MAN1A1: variants seen among roughly 807,000 people sequenced by gnomAD.
The protein encoded by MAN1A1 is mannosyl-oligosaccharide 1,2-alpha-mannosidase IA.
Under a neutral mutation model 70.8 loss-of-function variants are expected in MAN1A1, and 29 were observed. That is an observed-to-expected ratio of 0.41 (90% CI 0.31 to 0.56). MAN1A1 has a LOEUF of 0.56. Among genes scored for constraint, MAN1A1 ranks in the 20% least tolerant of loss-of-function variants. MAN1A1 has a pLI of 0.29. For synonymous variants in MAN1A1, 349 were observed against 330.1 expected, an observed-to-expected ratio of 1.06 and a Z score of -0.62; for missense variants, 747 against 841.3, an observed-to-expected ratio of 0.89 and a Z score of 1.39.
intron 2 of MAN1A1, among the ~76,000 whole-genome samples, chr6:119,335,366 T>G (rs1311123461): frequency 6.6e-6 from 1 of 152,280 alleles, no homozygotes. Context: ...ACAACAACTC[T>G]GAAAAAGAGG....
chr6:119,201,306 T>G lies in MAN1A1; in HGVS notation c.1158A>C (p.Pro386=). The G allele has an allele frequency of 1.9e-6, 3 of 1,613,740 alleles. No homozygotes were observed. Among genetic ancestry groups the G allele is most frequent in the African/African-American group, 1.3e-5 (1 of 75,032 alleles). The stretch of plus-strand genomic sequence containing the variant: ...TCAGATAGTTAGGATAAAGGCCTTG[T>G]GGTTTTTCCAGTTTGTTCAGTACTG... ...IRTVLNKLEK[P]QGLYPNYLNP... The change falls in exon 8 of 13, where the codon CCA becomes CCC. Residue 386 remains proline (P), a synonymous_variant. Transcript: ENST00000368468.
At chr6:119,211,533 A>C (rs1291242886) in intron 6 of MAN1A1, among the ~76,000 whole-genome samples, 1 of 152,224 alleles carries the variant, frequency 6.6e-6, no homozygotes, top group African/African-American at 2.4e-5. Flanking sequence ...CTCCCACCCT[A>C]AACTTACATC....
intron 6 of MAN1A1, among the ~76,000 whole-genome samples, chr6:119,242,072 G>C (rs997999199): frequency 6.6e-6 from 1 of 151,760 alleles, no homozygotes; most frequent in South Asian, 2.1e-4. Context: ...CAGACCCTTA[G>C]CAGAACAGTC....
rs9489687 is a variant in MAN1A1 at position 119,329,618 on chromosome 6, G to A, written c.603+18845C>T. ...AAATATGGCAGAGTGGTTGAATCCC[G>A]CTAAGGAAAAATCAAACGAGTGAGC... On this transcript the variant is annotated intron_variant, in intron 2 of 12. Coordinates refer to ENST00000368468, the MANE Select transcript of MAN1A1 (RefSeq NM_005907.4). 2.9e-3 allele frequency among the ~76,000 whole-genome samples: 440 copies of A among 152,208 alleles called. 2 individuals are homozygous for A. Among genetic ancestry groups the A allele is most frequent in the African/African-American group, 0.01 (423 of 41,532 alleles).
At chr6:119,341,468 T>C (rs1445208366) in intron 2 of MAN1A1, among the ~76,000 whole-genome samples, 6 of 152,276 alleles carry the variant, frequency 3.9e-5, no homozygotes, top group Non-Finnish European at 7.4e-5. Context: ...TAAGAAGCAA[T>C]TCTCAGCTAT....
chr6:119,232,136 G>T (rs935251128), intron 6 of MAN1A1, among the ~76,000 whole-genome samples: 11 of 152,114 alleles, frequency 7.2e-5, no homozygotes, highest in Admixed American at 6.5e-4. Context: ...ACTTTGGGAG[G>T]CCGAGGCAGG....
intron 6 of MAN1A1, among the ~76,000 whole-genome samples, chr6:119,219,460 T>C (rs987733221): frequency 5.9e-5 from 9 of 152,180 alleles, no homozygotes; most frequent in African/African-American, 1.9e-4. Flanking sequence ...CCCCACCTTA[T>C]AGAGTTTTAG....
chr6:119,178,411 A>AC lies in MAN1A1; in HGVS notation c.*1407_*1408insG, dbSNP rs1773058980. 6.6e-6 allele frequency: 1 copy of AC among 152,094 alleles called. No individual in the cohort carries two copies. Among genetic ancestry groups the AC allele is most frequent in the African/African-American group, 2.4e-5 (1 of 41,442 alleles). The allele number at this position is 152,094 out of a possible 1,614,324, so 9.4% of individuals were successfully genotyped here. ...TCTCGGCTGAAAATTGACATGGTCA[A>AC]AGTCCTTGCCCTTCAGTATATGCAT... On this transcript the variant is annotated 3_prime_UTR_variant, in exon 13 of 13. Transcript: ENST00000368468.
At chr6:119,264,403 A>T (rs9489640) in intron 5 of MAN1A1, among the ~76,000 whole-genome samples, 8,418 of 152,328 alleles carry the variant, frequency 0.055, 332 homozygotes, top group African/African-American at 0.1. Flanking sequence ...CAGTGAACAA[A>T]GCAAAAATTG....
chr6:119,310,179 C>T (rs1338663922), intron 2 of MAN1A1, among the ~76,000 whole-genome samples: 2 of 152,178 alleles, frequency 1.3e-5, no homozygotes, highest in African/African-American at 4.8e-5. Flanking sequence ...GAAAGAAATA[C>T]GTTGGAATTT....
intron 5 of MAN1A1, among the ~76,000 whole-genome samples, chr6:119,257,481 T>C (rs1429441847): frequency 1.3e-5 from 2 of 152,084 alleles, no homozygotes. Context: ...CTTTTCTGAG[T>C]GTAAGAGGCA....
At chr6:119,238,473 T>G (rs904777638) in intron 6 of MAN1A1, among the ~76,000 whole-genome samples, 2 of 152,224 alleles carry the variant, frequency 1.3e-5, no homozygotes, top group African/African-American at 2.4e-5. Flanking sequence ...AAATGGCATA[T>G]ATAGTTTTTA....
chr6:119,230,075 T>C (rs555428469), intron 6 of MAN1A1, among the ~76,000 whole-genome samples: 80 of 152,286 alleles, frequency 5.3e-4, no homozygotes, highest in African/African-American at 1.9e-3. Flanking sequence ...TACTGCTTGA[T>C]GGTGAAACCA....
At position 119,201,868 on chromosome 6, in the gene MAN1A1, CATTTTATAA is replaced by C. The variant is rs542789098; in HGVS notation, c.1117-530_1117-522del. Reference sequence around the variant, plus strand: ...AATGATACCTTTCTATAGGGTTATACATTTTATAACCCTATACATAAATACAGGGCACTT... The same window carrying C: ...AATGATACCTTTCTATAGGGTTATACCCCTATACATAAATACAGGGCACTT... On this transcript the variant is annotated intron_variant, in intron 7 of 12. Transcript: ENST00000368468. Among the ~76,000 whole-genome samples, 17 of 152,174 alleles carry C rather than the reference CATTTTATAA, an allele frequency of 1.1e-4. No individual in the cohort carries two copies. In the South Asian group the frequency reaches 3.5e-3, roughly 32 times the overall value.
chr6:119,211,966 T>A (rs1347207287), intron 6 of MAN1A1, among the ~76,000 whole-genome samples: 1 of 151,520 alleles, frequency 6.6e-6, no homozygotes, highest in African/African-American at 2.4e-5. Flanking sequence ...CTCAGCCTCC[T>A]GAGTAGCTGG....
At chr6:119,266,523 T>C (rs1437495565) in intron 5 of MAN1A1, among the ~76,000 whole-genome samples, 3 of 141,552 alleles carry the variant, frequency 2.1e-5, no homozygotes, top group African/African-American at 7.6e-5. Flanking sequence ...AAAAACTAGA[T>C]ATCCATATAC....
At chr6:119,268,336 A>C (rs1775816055) in intron 5 of MAN1A1, among the ~76,000 whole-genome samples, 1 of 152,312 alleles carries the variant, frequency 6.6e-6, no homozygotes, top group East Asian at 1.9e-4. Flanking sequence ...ACAGGGAAGG[A>C]GCAAGGGCTA....
chr6:119,306,132 A>G (rs373448806), intron 3 of MAN1A1, among the ~76,000 whole-genome samples: 17 of 152,218 alleles, frequency 1.1e-4, no homozygotes, highest in African/African-American at 4.1e-4. Context: ...TAAAGTATAG[A>G]AAGTGTTCTA....
intron 5 of MAN1A1, among the ~76,000 whole-genome samples, chr6:119,263,406 A>G (rs1775665019): frequency 6.6e-6 from 1 of 152,164 alleles, no homozygotes; most frequent in African/African-American, 2.4e-5. Flanking sequence ...CAGGAATAGA[A>G]AACCAAACAC....
Sources: gnomAD v4.1 joint callset for allele counts (sites outside exome capture counted in the v4.1 genomes callset) on GRCh38, gnomAD v4.1.1 for gene constraint, MANE v1.5 for transcripts, NCBI Gene and HGNC (gene_info 2026-07-23, HGNC 2026-07-21) for gene names.